The following NXPE4 variants were observed in gnomAD, a reference collection of about 807,000 sequenced individuals.
NXPE4 encodes the protein NXPE family member 4.
NXPE4 carries 42 observed loss-of-function variants against 33.3 expected under a neutral mutation model. The observed-to-expected ratio is 1.26, with a 90% CI of 0.98 to 1.63. The LOEUF is 1.63. NXPE4 is among the 40% of genes most tolerant of loss of function. The pLI, the probability that NXPE4 is intolerant of heterozygous loss-of-function variation, is 0.00. For synonymous variants in NXPE4, 253 were observed against 234.9 expected, an observed-to-expected ratio of 1.08 and a Z score of -0.71; for missense variants, 709 against 647.6, an observed-to-expected ratio of 1.09 and a Z score of -1.03.
the NXPE4 span, among the ~76,000 whole-genome samples, chr11:114,626,168 C>A: frequency 1.9e-4 from 29 of 152,262 alleles, 1 homozygote; most frequent in Middle Eastern, 3.4e-3. Flanking sequence ...CTGGGTGGAG[C>A]CCACCACAGC....
the NXPE4 span, among the ~76,000 whole-genome samples, chr11:114,643,289 T>C: frequency 1.3e-5 from 2 of 152,170 alleles, no homozygotes; most frequent in East Asian, 3.8e-4. Context: ...TTTTGACTTT[T>C]GTTGCCACTG....
upstream of NXPE4, among the ~76,000 whole-genome samples, chr11:114,600,285 G>A (rs1012439113): frequency 2.6e-5 from 4 of 152,086 alleles, no homozygotes; most frequent in African/African-American, 9.7e-5. Context: ...GCAATAATCT[G>A]CCAGCCTTTT....
chr11:114,636,263 A>G, the NXPE4 span, among the ~76,000 whole-genome samples: 1 of 152,062 alleles, frequency 6.6e-6, no homozygotes, highest in Non-Finnish European at 1.5e-5. Flanking sequence ...AGGTGTTTGT[A>G]GTATTCTCTG....
At chr11:114,573,344 T>A (rs1346393360) in intron 5 of NXPE4, among the ~76,000 whole-genome samples, 2 of 152,042 alleles carry the variant, frequency 1.3e-5, no homozygotes, top group African/African-American at 4.8e-5. Context: ...ATGAATAGAA[T>A]AGTATCTTAT....
At chr11:114,640,848 A>G in the NXPE4 span, among the ~76,000 whole-genome samples, 1 of 151,942 alleles carries the variant, frequency 6.6e-6, no homozygotes, top group Non-Finnish European at 1.5e-5. Context: ...TAGATTCTGG[A>G]TATTAGTCAT....
intron 2 of NXPE4, 113 bp from the exon 3 acceptor site, chr11:114,583,134 T>C (rs1949195872): frequency 8.4e-7 from 1 of 1,193,422 alleles, no homozygotes; most frequent in Non-Finnish European, 1.2e-6. Context: ...CATTTTTACT[T>C]ATTGTGATTT....
chr11:114,673,091 T>C, the NXPE4 span, among the ~76,000 whole-genome samples: 1 of 148,306 alleles, frequency 6.7e-6, no homozygotes, highest in Non-Finnish European at 1.5e-5. Flanking sequence ...ATATAACATA[T>C]ATAGTATATA....
the NXPE4 span, among the ~76,000 whole-genome samples, chr11:114,645,518 A>G: frequency 3.3e-4 from 51 of 152,260 alleles, no homozygotes; most frequent in Non-Finnish European, 6.5e-4. Context: ...GATAGAAGAA[A>G]ATGTTGATAA....
the NXPE4 span, among the ~76,000 whole-genome samples, chr11:114,619,735 T>C: frequency 6.7e-6 from 1 of 149,074 alleles, no homozygotes; most frequent in Non-Finnish European, 1.5e-5. Flanking sequence ...TACCCTGTGG[T>C]TAATAAGTAT....
At chr11:114,661,428 G>A in the NXPE4 span, among the ~76,000 whole-genome samples, 23 of 152,266 alleles carry the variant, frequency 1.5e-4, 1 homozygote, top group South Asian at 4.6e-3. Context: ...AAGGTAAACA[G>A]AATCCTAGGA....
chr11:114,608,307 A>G, the NXPE4 span, among the ~76,000 whole-genome samples: 17 of 151,378 alleles, frequency 1.1e-4, no homozygotes, highest in East Asian at 1.6e-3. Flanking sequence ...GTGTTGCATC[A>G]TGGGTAACCA....
chr11:114,593,810 G>A (rs1949517119), intron 2 of NXPE4, among the ~76,000 whole-genome samples: 2 of 151,890 alleles, frequency 1.3e-5, no homozygotes, highest in Admixed American at 6.6e-5. Context: ...AAGAAAATAT[G>A]GTATATATAC....
chr11:114,639,723 G>T, the NXPE4 span, among the ~76,000 whole-genome samples: 1 of 114,390 alleles, frequency 8.7e-6, no homozygotes, highest in Admixed American at 1.1e-4. Context: ...ATATAATATA[G>T]TAATATAATA....
intron 4 of NXPE4, among the ~76,000 whole-genome samples, chr11:114,580,700 C>A (rs756392269): frequency 4.6e-5 from 7 of 152,154 alleles, no homozygotes; most frequent in Non-Finnish European, 1.0e-4. Flanking sequence ...GCTCACTTTA[C>A]CCCTAAGTTT....
At chr11:114,629,744 G>T in the NXPE4 span, among the ~76,000 whole-genome samples, 2 of 151,536 alleles carry the variant, frequency 1.3e-5, no homozygotes, top group African/African-American at 4.8e-5. Context: ...CCTGTTTGCA[G>T]ACGACATGAT....
intron 5 of NXPE4, among the ~76,000 whole-genome samples, chr11:114,576,476 T>C (rs1314485803): frequency 6.6e-6 from 1 of 151,682 alleles, no homozygotes; most frequent in African/African-American, 2.4e-5. Context: ...ATATCCAGAA[T>C]CTACAAAGAA....
the NXPE4 span, among the ~76,000 whole-genome samples, chr11:114,625,218 T>C: frequency 3.3e-5 from 5 of 151,248 alleles, no homozygotes; most frequent in South Asian, 2.1e-4. Context: ...CACTGTTACC[T>C]GTTGGATAAT....
the NXPE4 span, among the ~76,000 whole-genome samples, chr11:114,671,056 T>A: frequency 6.8e-6 from 1 of 147,782 alleles, no homozygotes; most frequent in Non-Finnish European, 1.5e-5. Context: ...TATAAAAATA[T>A]AAATATATAC....
chr11:114,674,692 T>C, the NXPE4 span, among the ~76,000 whole-genome samples: 3 of 151,760 alleles, frequency 2.0e-5, no homozygotes, highest in African/African-American at 7.3e-5. Context: ...AGACAGGACC[T>C]GATGGCTTCT....
Sources: allele counts gnomAD v4.1 joint callset (sites outside exome capture counted in the v4.1 genomes callset), GRCh38; gene constraint gnomAD v4.1.1; transcripts MANE v1.5; gene names NCBI Gene and HGNC (gene_info 2026-07-23, HGNC 2026-07-21).